The following ZNF439 variants were observed in gnomAD, a reference collection of about 807,000 sequenced individuals.
ZNF439 encodes zinc finger protein 439.
ZNF439 carries 40 observed loss-of-function variants against 47.3 expected under a neutral mutation model. That is an observed-to-expected ratio of 0.85 (90% CI 0.66 to 1.10). ZNF439 has a LOEUF of 1.10. Among genes scored for constraint, ZNF439 ranks in the 50% least tolerant of loss-of-function variants. The probability of loss-of-function intolerance (pLI) is 0.00; values close to 1 mark genes in which losing one functional copy is unlikely to be tolerated. For synonymous variants in ZNF439, 171 were observed against 198.8 expected (o/e 0.86, Z 1.18); for missense variants, 556 against 601.1 (o/e 0.93, Z 0.78).
chr19:11,849,009 A>G, intron 1 of ZNF439, 79 bp downstream of exon 1: 1 of 1,406,574 alleles, frequency 7.1e-7, no homozygotes, highest in Non-Finnish European at 9.5e-7. Context: ...CCTGTGGGCG[A>G]CTCCGGGGTC....
Position 11,866,291 on chromosome 19 carries a change from G to T in ZNF439, c.150G>T (p.Arg50Ser). Residue 50 changes from arginine to serine, a missense_variant, in exon 2 of 4, where the codon AGG becomes AGT. Physicochemically the swap from Arg to Ser is moderately radical, Grantham distance 110. Transcript: ENST00000682736. Reference protein sequence around the residue: ...LLDISQKNLYREVMLETFWNL... With the variant: ...LLDISQKNLYSEVMLETFWNL... ...ATATTTCCCAGAAGAATCTCTACAGGGAAGTGATGCTGGAAACTTTCTGGA... is the reference window on the plus strand; with the variant it reads ...ATATTTCCCAGAAGAATCTCTACAGTGAAGTGATGCTGGAAACTTTCTGGA... 6.2e-7 allele frequency: 1 copy of T among 1,614,100 alleles called. No homozygotes were observed. The highest frequency in any genetic ancestry group is 8.5e-7 in the Non-Finnish European group (1 of 1,180,002).
In ZNF439 at chr19:11,867,594, A is replaced by T. The variant is rs760963340; in HGVS notation, c.540A>T (p.Thr180=). 6 of 1,614,156 alleles carry T rather than the reference A, an allele frequency of 3.7e-6. No homozygotes were observed. The South Asian group carries it at 6.6e-5, about 18-fold the overall frequency. ...KAFRYHPSLR[T]QERDHTGKKP... is the part of the protein sequence containing the mutation. ...TCAGATATCACCCCTCCTTGAGAAC[A>T]CAAGAAAGGGATCACACTGGAAAGA... The change falls in exon 4 of 4, where the codon ACA becomes ACT. Residue 180 remains threonine (T), a synonymous_variant. Coordinates refer to ENST00000682736, the MANE Select transcript of ZNF439 (RefSeq NM_001348719.2).
At chr19:11,856,100 T>G (rs1391592403) in intron 1 of ZNF439, 1 of 152,254 alleles carries the variant, frequency 6.6e-6, no homozygotes, top group Admixed American at 6.5e-5. Flanking sequence ...TCCAGGGATT[T>G]CCATAACACT....
chr19:11,865,285 C>T (rs562200969), intron 1 of ZNF439, among the ~76,000 whole-genome samples: 43 of 152,052 alleles, frequency 2.8e-4, no homozygotes, highest in African/African-American at 9.9e-4. Flanking sequence ...TGTGTAATTA[C>T]GGTCTTGTTT....
intron 1 of ZNF439, among the ~76,000 whole-genome samples, chr19:11,865,203 G>A (rs1019521918): frequency 6.6e-6 from 1 of 152,192 alleles, no homozygotes; most frequent in African/African-American, 2.4e-5. Flanking sequence ...GCCACCCCAG[G>A]AAGGTCGTAT....
chr19:11,861,970 T>C (rs2145174467), intron 1 of ZNF439, among the ~76,000 whole-genome samples: 1 of 152,338 alleles, frequency 6.6e-6, no homozygotes, highest in South Asian at 2.1e-4. Flanking sequence ...TCTCCTATCT[T>C]TTCTTGGTCC....
At position 11,867,848 on chromosome 19, in the gene ZNF439, A is replaced by T; in HGVS notation, c.794A>T (p.His265Leu). 6.2e-7 allele frequency: 1 copy of T among 1,613,994 alleles called. No homozygotes were observed. Among genetic ancestry groups the T allele is most frequent in the Non-Finnish European group, 8.5e-7 (1 of 1,179,948 alleles). ...AGTTATTCTGCTACCCATCGAATAC[A>T]TGAAAGAACTCACATTGGAGAAAAG... is the stretch of plus-strand genomic sequence containing the variant. ...SFSYSATHRI[H>L]ERTHIGEKPY... Residue 265 changes from histidine to leucine, a missense_variant, in exon 4 of 4, where the codon CAT (histidine) becomes CTT (leucine). By Grantham distance (99) the His-to-Leu change is moderately conservative. Coordinates refer to ENST00000682736, the MANE Select transcript of ZNF439 (RefSeq NM_001348719.2).
chr19:11,849,199 G>A, intron 1 of ZNF439: 1 of 1,071,628 alleles, frequency 9.3e-7, no homozygotes, highest in African/African-American at 1.7e-5. Context: ...CTTGTGCGGG[G>A]GCCACGGGAG....
intron 1 of ZNF439, chr19:11,857,251 A>G (rs1381454922): frequency 1.3e-5 from 2 of 152,224 alleles, no homozygotes; most frequent in East Asian, 3.8e-4. Flanking sequence ...GTGGTTGTCT[A>G]TTATTTCCAC....
intron 1 of ZNF439, among the ~76,000 whole-genome samples, chr19:11,852,564 C>G (rs1009793268): frequency 6.6e-6 from 1 of 152,204 alleles, no homozygotes; most frequent in Non-Finnish European, 1.5e-5. Flanking sequence ...GGCTGGAGTG[C>G]AGTGGTGCAA....
At chr19:11,856,855 A>C (rs893528728) in intron 1 of ZNF439, 1 of 152,234 alleles carries the variant, frequency 6.6e-6, no homozygotes, top group African/African-American at 2.4e-5. Flanking sequence ...AATATGAGAA[A>C]TATGTAAAGG....
intron 1 of ZNF439, among the ~76,000 whole-genome samples, chr19:11,855,615 CT>C (rs1976364930): frequency 6.6e-6 from 1 of 152,134 alleles, no homozygotes; most frequent in Admixed American, 6.5e-5. Flanking sequence ...CCCACGGTCC[CT>C]GATCATGATA....
At chr19:11,863,885 G>A (rs1976604736) in intron 1 of ZNF439, among the ~76,000 whole-genome samples, 1 of 152,140 alleles carries the variant, frequency 6.6e-6, no homozygotes, top group African/African-American at 2.4e-5. Context: ...GTGCCACCAT[G>A]TCTAATTATT....
Position 11,862,154 on chromosome 19 carries a change from C to A in ZNF439, c.64-4051C>A, listed in dbSNP as rs185573507. Among the ~76,000 whole-genome samples, 37 of 152,290 alleles carry A rather than the reference C, an allele frequency of 2.4e-4. No homozygotes were observed. In the East Asian group the frequency reaches 5.4e-3, roughly 22 times the overall value. ...CAAACTCCCAAGCTCAGGTGATCCT[C>A]CTGCCTCAGCTTCCCAAAGTGCTGG... On this transcript the variant is annotated intron_variant, in intron 1 of 3. Transcript: ENST00000682736.
At chr19:11,863,455 C>T (rs992653403) in intron 1 of ZNF439, among the ~76,000 whole-genome samples, 11 of 152,012 alleles carry the variant, frequency 7.2e-5, no homozygotes, top group African/African-American at 2.4e-4. Flanking sequence ...CCACCATGCC[C>T]GGCCTTTTTA....
At chr19:11,867,166 A>G (rs796941395) in intron 3 of ZNF439, 140 bp from the exon 4 acceptor site, 3 of 1,014,730 alleles carry the variant, frequency 3.0e-6, no homozygotes, top group South Asian at 3.5e-5. Context: ...TGTGTTGTCC[A>G]GTCACCTTCA....
In ZNF439 at chr19:11,866,287, A is replaced by C; in HGVS notation, c.146A>C (p.Tyr49Ser). The C allele has an allele frequency of 6.2e-7, 1 of 1,614,182 alleles. No individual in the cohort carries two copies. The highest frequency in any genetic ancestry group is 8.5e-7 in the Non-Finnish European group (1 of 1,180,014). Residue 49 changes from tyrosine to serine, a missense_variant, in exon 2 of 4, where the codon TAC becomes TCC. By Grantham distance (144) the Tyr-to-Ser change is moderately radical (BLOSUM62 -2). Transcript: ENST00000682736. ...CTGGATATTTCCCAGAAGAATCTCT[A>C]CAGGGAAGTGATGCTGGAAACTTTC... ...ALLDISQKNL[Y>S]REVMLETFWN...
At chr19:11,856,716 G>A (rs907943722) in intron 1 of ZNF439, 12 of 152,278 alleles carry the variant, frequency 7.9e-5, no homozygotes, top group Admixed American at 7.2e-4. Flanking sequence ...TGAAACATAC[G>A]AGTAAGGGCG....
intron 1 of ZNF439, among the ~76,000 whole-genome samples, chr19:11,852,765 C>T (rs117807166): frequency 0.023 from 3,468 of 152,228 alleles, 73 homozygotes; most frequent in East Asian, 0.078. Context: ...CCACCTTGGC[C>T]TCCCAAAGTG....
Sources: gnomAD v4.1 joint callset for allele counts (sites outside exome capture counted in the v4.1 genomes callset) on GRCh38, gnomAD v4.1.1 for gene constraint, MANE v1.5 for transcripts, NCBI Gene and HGNC (gene_info 2026-07-23, HGNC 2026-07-21) for gene names.